Variants in BEST4 observed in about 807,000 individuals in gnomAD.
BEST4 encodes the protein bestrophin-4.
Under a neutral mutation model 47.1 loss-of-function variants are expected in BEST4, and 36 were observed. The observed-to-expected ratio is 0.76, with a 90% CI of 0.59 to 1.01. The LOEUF is 1.01. Among genes scored for constraint, BEST4 ranks in the 50% least tolerant of loss-of-function variants. The pLI, the probability that BEST4 is intolerant of heterozygous loss-of-function variation, is 0.00. For missense variants in BEST4, 550 were observed against 648.6 expected (o/e 0.85, Z 1.65); for synonymous variants, 250 against 277.8 (o/e 0.90, Z 1.00).
In BEST4 at chr1:44,785,314, T is replaced by G. The variant is rs1471233229; in HGVS notation, c.715-9A>C. 3 of 1,577,708 alleles carry G rather than the reference T, an allele frequency of 1.9e-6. No individual in the cohort carries two copies. The highest frequency in any genetic ancestry group is 2.6e-6 in the Non-Finnish European group (3 of 1,160,522). ...ACGGCTATGGTCACCACCTGGAGAA[T>G]GAAGAGCCAGGCTCAGTGCAGGATG... On this transcript the variant is annotated splice_polypyrimidine_tract_variant and intron_variant, in intron 5 of 8. Coordinates refer to ENST00000372207, the MANE Select transcript of BEST4 (RefSeq NM_153274.3).
chr1:44,787,788 C>G lies in BEST4; in HGVS notation c.-83G>C, dbSNP rs1329863670. The G allele has an allele frequency of 1.3e-6, 2 of 1,532,736 alleles. No individual in the cohort carries two copies. The highest frequency in any genetic ancestry group is 8.9e-7 in the Non-Finnish European group (1 of 1,121,116). 94.9% of individuals were successfully genotyped at this position (1,532,736 alleles called of 1,614,324 possible). On this transcript the variant is annotated 5_prime_UTR_variant, in exon 1 of 9. Transcript: ENST00000372207. ...TTCTCCAGACAACCTCCCTTCCACT[C>G]TGGTCTCACACACCCCAGCCTTCAC...
At chr1:44,789,144 A>G (rs970664003), upstream of BEST4, among the ~76,000 whole-genome samples, 6 of 150,946 alleles carry the variant, frequency 4.0e-5, no homozygotes, top group Admixed American at 4.0e-4. Context: ...TAATCCCAGC[A>G]GGTACATGGG....
In BEST4 at chr1:44,786,139, G is replaced by A; in HGVS notation, c.571C>T (p.Leu191=). The A allele has an allele frequency of 6.2e-7, 1 of 1,614,106 alleles. No individual in the cohort carries two copies. The highest frequency in any genetic ancestry group is 8.5e-7 in the Non-Finnish European group (1 of 1,179,980). Residue 191 remains leucine (L), a synonymous_variant, in exon 4 of 9, where the codon CTG becomes TTG. Coordinates refer to ENST00000372207, the MANE Select transcript of BEST4 (RefSeq NM_153274.3). This position sits in a 1 kb window ranked among gnomAD's most constrained non-coding sequence, Gnocchi z 4.9. ...YWVPCVWFTN[L]AAQARRDGRI... ...CCGTCCCTCCGGGCCTGGGCCGCCA[G>A]GTTGGTGAACCAGACGCAGGGGACC...
chr1:44,791,087 C>T (rs1213362208), upstream of BEST4, among the ~76,000 whole-genome samples: 1 of 151,928 alleles, frequency 6.6e-6, no homozygotes, highest in Non-Finnish European at 1.5e-5. Flanking sequence ...GGTCCCCCAC[C>T]CCACCCCTGC....
intron 1 of BEST4, 21 bp downstream of exon 1, chr1:44,787,533 G>T: frequency 6.2e-7 from 1 of 1,614,178 alleles, no homozygotes; most frequent in Non-Finnish European, 8.5e-7. Flanking sequence ...ACTTGCGCCA[G>T]CTCTAAGACC....
Position 44,784,313 on chromosome 1 carries a change from G to A in BEST4, c.1319C>T (p.Pro440Leu). 2.1e-6 allele frequency: 3 copies of A among 1,396,302 alleles called. No homozygotes were observed. The highest frequency in any genetic ancestry group is 1.6e-5 in the South Asian group (1 of 63,158). The allele number at this position is 1,396,302 out of a possible 1,614,324, so 86.5% of individuals were successfully genotyped here. Reference protein sequence around the residue: ...FGRVRGTPRPPHLLRFRAEEG... With the variant: ...FGRVRGTPRPLHLLRFRAEEG... ...CTCCGCCCGGAAGCGCAGCAGATGC[G>A]GGGGGCGGGGGGTGCCTCGCACGCG... The change falls in exon 9 of 9, where the codon CCG becomes CTG. Residue 440 changes from proline to leucine, a missense_variant. Physicochemically the swap from Pro to Leu is moderately conservative, Grantham distance 98. This residue lies in a region of BEST4 where 255 missense variants were observed against 286.6 expected (regional missense o/e 0.89). Transcript: ENST00000372207. This position sits in a 1 kb window ranked among gnomAD's most constrained non-coding sequence, Gnocchi z 6.2.
chr1:44,791,204 CAGAGAGAG>C (rs35806425), upstream of BEST4, among the ~76,000 whole-genome samples: 3 of 147,948 alleles, frequency 2.0e-5, no homozygotes, highest in African/African-American at 5.0e-5. Flanking sequence ...GAACAGGACT[CAGAGAGAG>C]AGAGAGAGAG....
rs1306750145 is a variant in BEST4, at chr1:44,787,908, A to C, written c.-203T>G. Among the ~76,000 whole-genome samples, 1 of 152,222 alleles carries C rather than the reference A, an allele frequency of 6.6e-6. No homozygotes were observed. The highest frequency in any genetic ancestry group is 1.5e-5 in the Non-Finnish European group (1 of 68,028). Reference sequence around the variant, plus strand: ...AGCAGTACATGGGCAAAGCCAGGCTAGAGTTGGACAAGGTAGAACTGAGAT... The same window carrying C: ...AGCAGTACATGGGCAAAGCCAGGCTCGAGTTGGACAAGGTAGAACTGAGAT... On this transcript the variant is annotated 5_prime_UTR_variant, in exon 1 of 9. It removes the in-frame stop codon of an upstream open reading frame in the 5' UTR. Coordinates refer to ENST00000372207, the MANE Select transcript of BEST4 (RefSeq NM_153274.3).
chr1:44,784,785 T>G lies in BEST4; in HGVS notation c.994-2A>C. ...TTCGTCCACGGATAGCAGGGACACC[T>G]GGGCCACCAGCAAGTTACAAGGATC... On this transcript the variant is annotated splice_acceptor_variant, in intron 7 of 8. Coordinates refer to ENST00000372207, the MANE Select transcript of BEST4 (RefSeq NM_153274.3). LOFTEE classifies it high-confidence loss of function. The surrounding 1 kb of genome is among the most constrained non-coding windows in gnomAD (Gnocchi z 6.2). 6.3e-7 allele frequency: 1 copy of G among 1,592,252 alleles called. No individual in the cohort carries two copies.
At position 44,786,387 on chromosome 1, in the gene BEST4, C is replaced by T; in HGVS notation, c.481+76G>A. The T allele has an allele frequency of 2.1e-6, 3 of 1,428,934 alleles. No individual in the cohort carries two copies. The highest frequency in any genetic ancestry group is 1.4e-5 in the South Asian group (1 of 72,814). The allele number at this position is 1,428,934 out of a possible 1,614,324, so 88.5% of individuals were successfully genotyped here. On this transcript the variant is annotated intron_variant, in intron 3 of 8. Coordinates refer to ENST00000372207, the MANE Select transcript of BEST4 (RefSeq NM_153274.3). The surrounding 1 kb of genome is among the most constrained non-coding windows in gnomAD (Gnocchi z 4.9). ...CCAGACCCTTCCCTGGAGGCCCCTG[C>T]TCCCAGGACTCTCCCAGGCGCCACC...
chr1:44,782,249 A>C (rs1651062238), downstream of BEST4, among the ~76,000 whole-genome samples: 1 of 152,020 alleles, frequency 6.6e-6, no homozygotes, highest in South Asian at 2.1e-4. Context: ...AAAAAAAAAA[A>C]ACCTCAAATA....
At chr1:44,787,129 C>A (rs1296118065) in intron 2 of BEST4, among the ~76,000 whole-genome samples, 1 of 150,640 alleles carries the variant, frequency 6.6e-6, no homozygotes, top group Admixed American at 6.7e-5. Context: ...GCTCTGCCAC[C>A]GTGTTGAGTA....
At chr1:44,782,693 A>ACC (rs1651079215), downstream of BEST4, among the ~76,000 whole-genome samples, 1 of 152,138 alleles carries the variant, frequency 6.6e-6, no homozygotes, top group South Asian at 2.1e-4. Flanking sequence ...TATCCCATGG[A>ACC]CATACAGATG....
In BEST4 at chr1:44,783,990, C is replaced by A; in HGVS notation, c.*220G>T. ...GGGCTCATTTATTTTTCTAGCTTCA[C>A]GTCCCCCAAGCAACCGACCTTCTCT... On this transcript the variant is annotated 3_prime_UTR_variant, in exon 9 of 9. Coordinates refer to ENST00000372207, the MANE Select transcript of BEST4 (RefSeq NM_153274.3). 2.2e-6 allele frequency: 1 copy of A among 447,656 alleles called. No individual in the cohort carries two copies. The highest frequency in any genetic ancestry group is 6.3e-5 in the South Asian group (1 of 15,990). 27.7% of individuals were successfully genotyped at this position (447,656 alleles called of 1,614,324 possible).
upstream of BEST4, among the ~76,000 whole-genome samples, chr1:44,792,602 C>T (rs1183213134): frequency 6.6e-6 from 1 of 152,020 alleles, no homozygotes; most frequent in African/African-American, 2.4e-5. Flanking sequence ...GGCTTTATCC[C>T]TTCCACCTCT....
At position 44,784,187 on chromosome 1, in the gene BEST4, A is replaced by T. The variant is rs1171617768; in HGVS notation, c.*23T>A. The T allele has an allele frequency of 2.9e-6, 4 of 1,381,130 alleles. No individual in the cohort carries two copies. Among genetic ancestry groups the T allele is most frequent in the African/African-American group, 1.5e-5 (1 of 65,196 alleles). The allele number at this position is 1,381,130 out of a possible 1,614,324, so 85.6% of individuals were successfully genotyped here. On this transcript the variant is annotated 3_prime_UTR_variant, in exon 9 of 9. Transcript: ENST00000372207. The surrounding 1 kb of genome is among the most constrained non-coding windows in gnomAD (Gnocchi z 6.2). ...GGAAGGAGGGCAGTGGGTGGGGGAAACCGGGCGGGGGCAGGCGAGACCTCA... is the reference window on the plus strand; with the variant it reads ...GGAAGGAGGGCAGTGGGTGGGGGAATCCGGGCGGGGGCAGGCGAGACCTCA...
chr1:44,787,264 T>TCACC, intron 2 of BEST4, 108 bp downstream of exon 2: 1 of 1,077,586 alleles, frequency 9.3e-7, no homozygotes, highest in Non-Finnish European at 1.4e-6. Flanking sequence ...TGCAGGTGTG[T>TCACC]CACCACACCA....
Position 44,787,385 on chromosome 1 carries a change from C to G in BEST4, c.234G>C (p.Leu78Phe). The change falls in exon 2 of 9, where the codon TTG becomes TTC. Residue 78 changes from leucine to phenylalanine, a missense_variant. Around this residue, in one of 3 missense-constraint regions of BEST4, gnomAD observed 291 missense variants for 342.4 expected, o/e 0.85. Coordinates refer to ENST00000372207, the MANE Select transcript of BEST4 (RefSeq NM_153274.3). ...AGGGAGCCTTACCCAATACAAAGGA[C>G]AAGGGAATGAGGTCTGCTGAGCGGT... ...YCNRSADLIP[L>F]SFVLGFYVTL... The G allele has an allele frequency of 1.2e-6, 2 of 1,614,082 alleles. No individual in the cohort carries two copies. The highest frequency in any genetic ancestry group is 1.1e-5 in the South Asian group (1 of 91,086).
At position 44,786,009 on chromosome 1, in the gene BEST4, AATT is replaced by A; in HGVS notation, c.636+62_636+64del. 1.3e-6 allele frequency: 2 copies of A among 1,525,600 alleles called. No individual in the cohort carries two copies. The highest frequency in any genetic ancestry group is 1.3e-5 in the South Asian group (1 of 77,164). The allele number at this position is 1,525,600 out of a possible 1,614,324, so 94.5% of individuals were successfully genotyped here. On this transcript the variant is annotated intron_variant, in intron 4 of 8. Coordinates refer to ENST00000372207, the MANE Select transcript of BEST4 (RefSeq NM_153274.3). The surrounding 1 kb of genome is among the most constrained non-coding windows in gnomAD (Gnocchi z 4.9). ...ATGCCATACAACTGTTAGGTATTAA[AATT>A]ATTATTCATCTTTAAAATTAGAGGG... is the stretch of plus-strand genomic sequence containing the variant.
Sources: allele counts gnomAD v4.1 joint callset (sites outside exome capture counted in the v4.1 genomes callset), GRCh38; gene constraint gnomAD v4.1.1; regional missense constraint gnomAD v4.1.1; non-coding constraint Gnocchi (gnomAD v3.1); transcripts MANE v1.5; gene names NCBI Gene and HGNC (gene_info 2026-07-23, HGNC 2026-07-21).